Variants in CAST observed in about 807,000 individuals in gnomAD.
CAST encodes the protein MIR583 host.
In CAST, 76 loss-of-function variants were observed where a neutral mutation model predicts 119.6. The observed-to-expected ratio is 0.64, with a 90% CI of 0.53 to 0.77. The LOEUF (loss-of-function observed/expected upper bound fraction) is 0.77. CAST is among the 30% of genes least tolerant of loss of function. CAST has a pLI of 0.00. For missense variants in CAST, 953 were observed against 946.5 expected, an observed-to-expected ratio of 1.01 and a Z score of -0.09; for synonymous variants, 319 against 331.6, an observed-to-expected ratio of 0.96 and a Z score of 0.41.
the CAST span, among the ~76,000 whole-genome samples, chr5:96,385,997 CAT>C: frequency 1.3e-5 from 2 of 152,186 alleles, no homozygotes; most frequent in Non-Finnish European, 2.9e-5. Flanking sequence ...GTAAACAAAA[CAT>C]GTTACCCCTC....
intron 1 of CAST, among the ~76,000 whole-genome samples, chr5:96,535,665 C>T (rs1185999556): frequency 1.4e-5 from 2 of 147,426 alleles, no homozygotes; most frequent in African/African-American, 5.0e-5. Flanking sequence ...GCTCCGCCTC[C>T]TGGGTTAACG....
chr5:96,751,788 C>T (rs1439402573), intron 20 of CAST, among the ~76,000 whole-genome samples: 3 of 152,172 alleles, frequency 2.0e-5, no homozygotes, highest in Admixed American at 6.5e-5. Context: ...TGTGACTGCC[C>T]GGGCTTTAGA....
At chr5:96,129,776 A>T in the CAST span, among the ~76,000 whole-genome samples, 1 of 152,140 alleles carries the variant, frequency 6.6e-6, no homozygotes, top group African/African-American at 2.4e-5. Flanking sequence ...ACATGAAATC[A>T]TTTAGAAAAT....
chr5:96,030,687 A>G, the CAST span, among the ~76,000 whole-genome samples: 1 of 152,182 alleles, frequency 6.6e-6, no homozygotes, highest in Admixed American at 6.5e-5. Context: ...CTCCACACCT[A>G]TTCTGGGATT....
chr5:95,992,386 G>T, the CAST span, among the ~76,000 whole-genome samples: 1 of 151,252 alleles, frequency 6.6e-6, no homozygotes, highest in Admixed American at 6.6e-5. Flanking sequence ...ATTATGTGAT[G>T]AGAGGGGTAC....
the CAST span, among the ~76,000 whole-genome samples, chr5:96,144,933 G>T: frequency 7.2e-5 from 11 of 152,126 alleles, no homozygotes; most frequent in Admixed American, 2.0e-4. Flanking sequence ...GAGATAGAGA[G>T]ATACGGGTAT....
At chr5:96,385,649 A>G in the CAST span, among the ~76,000 whole-genome samples, 1 of 152,214 alleles carries the variant, frequency 6.6e-6, no homozygotes, top group African/African-American at 2.4e-5. Context: ...CTTTCCTATT[A>G]TTTCAAATAA....
At chr5:96,273,126 G>T in the CAST span, among the ~76,000 whole-genome samples, 1 of 152,184 alleles carries the variant, frequency 6.6e-6, no homozygotes, top group African/African-American at 2.4e-5. Context: ...TGTCTTGATG[G>T]AGTTTGTTTT....
At chr5:96,655,231 T>G (rs1039584019) in intron 1 of CAST, among the ~76,000 whole-genome samples, 1 of 152,254 alleles carries the variant, frequency 6.6e-6, no homozygotes, top group Admixed American at 6.5e-5. Flanking sequence ...TGTGCAGGAT[T>G]TAGATAACCA....
chr5:96,433,927 C>A, the CAST span: 1 of 152,144 alleles, frequency 6.6e-6, no homozygotes, highest in Admixed American at 6.5e-5. Context: ...CCACCACCAC[C>A]TTTTAGGGTG....
At chr5:96,016,185 G>A in the CAST span, among the ~76,000 whole-genome samples, 12 of 152,284 alleles carry the variant, frequency 7.9e-5, no homozygotes, top group Non-Finnish European at 2.9e-5. Context: ...TATTTGCTTT[G>A]CCAGCCTCAC....
At chr5:96,105,285 G>C in the CAST span, among the ~76,000 whole-genome samples, 1 of 152,186 alleles carries the variant, frequency 6.6e-6, no homozygotes, top group Non-Finnish European at 1.5e-5. Flanking sequence ...GAATAGGAGT[G>C]GTGAGAGAGG....
At chr5:96,750,532 G>C in intron 19 of CAST, 55 bp from the exon 20 acceptor site, 2 of 1,128,736 alleles carry the variant, frequency 1.8e-6, no homozygotes, top group East Asian at 4.7e-5. Flanking sequence ...CCATTACTCA[G>C]TCTTATTAAC....
At chr5:96,485,195 A>G in the CAST span, among the ~76,000 whole-genome samples, 1 of 152,138 alleles carries the variant, frequency 6.6e-6, no homozygotes, top group Non-Finnish European at 1.5e-5. Flanking sequence ...ATGGATTGAA[A>G]AGTGAGTGTG....
At chr5:96,030,150 A>G in the CAST span, among the ~76,000 whole-genome samples, 2 of 152,236 alleles carry the variant, frequency 1.3e-5, no homozygotes, top group South Asian at 2.1e-4. Flanking sequence ...TCAACACACT[A>G]TTTAGACAGG....
chr5:96,623,776 A>G (rs1308613899), intron 1 of CAST, among the ~76,000 whole-genome samples: 1 of 152,142 alleles, frequency 6.6e-6, no homozygotes, highest in African/African-American at 2.4e-5. Flanking sequence ...AGCTCACTGC[A>G]GCTTCAACCT....
chr5:96,226,194 G>GT, the CAST span, among the ~76,000 whole-genome samples: 3 of 152,142 alleles, frequency 2.0e-5, no homozygotes, highest in African/African-American at 7.2e-5. Flanking sequence ...GGGCAGAGTG[G>GT]TTTCTTAGCC....
the CAST span, among the ~76,000 whole-genome samples, chr5:96,246,224 C>G: frequency 3.3e-5 from 3 of 90,628 alleles, no homozygotes; most frequent in African/African-American, 1.2e-4. Flanking sequence ...GCTCTGTCGC[C>G]CAGGCTGGAG....
the CAST span, among the ~76,000 whole-genome samples, chr5:96,074,082 A>C: frequency 6.6e-6 from 1 of 152,234 alleles, no homozygotes; most frequent in East Asian, 1.9e-4. Flanking sequence ...ACAGACTGAA[A>C]AATTTGCTGG....
Sources: allele counts gnomAD v4.1 joint callset (sites outside exome capture counted in the v4.1 genomes callset), GRCh38; gene constraint gnomAD v4.1.1; transcripts MANE v1.5; gene names NCBI Gene and HGNC (gene_info 2026-07-23, HGNC 2026-07-21).